The following SEL1L2 variants were observed in gnomAD, a reference collection of about 807,000 sequenced individuals.
The protein encoded by SEL1L2 is SEL1L2 adaptor subunit of SYVN1 ubiquitin ligase.
SEL1L2 carries 89 observed loss-of-function variants against 98.8 expected under a neutral mutation model. That is an observed-to-expected ratio of 0.90 (90% CI 0.76 to 1.07). The LOEUF is 1.07. Among genes scored for constraint, SEL1L2 ranks in the 50% least tolerant of loss-of-function variants. The probability of loss-of-function intolerance (pLI) is 0.00; values close to 1 mark genes in which losing one functional copy is unlikely to be tolerated. For missense variants in SEL1L2, 788 were observed against 812.0 expected (o/e 0.97, Z 0.36); for synonymous variants, 262 against 278.5 (o/e 0.94, Z 0.59).
At chr20:13,919,964 C>T (rs1030929568) in intron 3 of SEL1L2, among the ~76,000 whole-genome samples, 31 of 149,082 alleles carry the variant, frequency 2.1e-4, no homozygotes, top group African/African-American at 6.7e-4. Flanking sequence ...TGAGGTGGCT[C>T]ACTCCTGTAA....
At chr20:13,984,157 A>G (rs914619154) in intron 1 of SEL1L2, among the ~76,000 whole-genome samples, 63 of 152,006 alleles carry the variant, frequency 4.1e-4, no homozygotes, top group African/African-American at 1.5e-3. Flanking sequence ...GATTACAGGC[A>G]CATGCCACCA....
In SEL1L2 at chr20:13,865,200, C is replaced by T. The variant is rs1160622614; in HGVS notation, c.1612G>A (p.Ala538Thr). 1.9e-6 allele frequency: 3 copies of T among 1,613,606 alleles called. No individual in the cohort carries two copies. The highest frequency in any genetic ancestry group is 1.7e-5 in the Admixed American group (1 of 60,002). The change falls in exon 17 of 20, where the codon GCG becomes ACG. Residue 538 changes from alanine (A) to threonine (T), a missense_variant. By Grantham distance (58) the Ala-to-Thr change is moderately conservative. Coordinates refer to ENST00000284951, the MANE Select transcript of SEL1L2 (RefSeq NM_025229.2). Reference sequence around the variant, plus strand: ...GCAGCTCGATTCCATAGGAGAAGCGCCATTGGATACATCTTCTCTTTTTCA... The same window carrying T: ...GCAGCTCGATTCCATAGGAGAAGCGTCATTGGATACATCTTCTCTTTTTCA... ...ILEKEKMYPMALLLWNRAAIQ... is the reference protein window; with the variant it reads ...ILEKEKMYPMTLLLWNRAAIQ...
intron 10 of SEL1L2, among the ~76,000 whole-genome samples, chr20:13,882,812 CTTTTTT>C (rs759286946): frequency 9.3e-5 from 10 of 107,246 alleles, no homozygotes; most frequent in East Asian, 6.1e-4. Context: ...GTCAATTTGT[CTTTTTT>C]TTTTTTTTTT....
intron 2 of SEL1L2, among the ~76,000 whole-genome samples, chr20:13,935,615 G>C (rs977858213): frequency 1.4e-4 from 22 of 152,194 alleles, no homozygotes; most frequent in African/African-American, 4.1e-4. Flanking sequence ...AGGGTAACTG[G>C]AGCAGAGTGA....
At chr20:13,942,700 C>A (rs546436693) in intron 2 of SEL1L2, among the ~76,000 whole-genome samples, 1 of 152,122 alleles carries the variant, frequency 6.6e-6, no homozygotes, top group East Asian at 1.9e-4. Flanking sequence ...CACATAGAAG[C>A]AGATGTTTTA....
intron 1 of SEL1L2, among the ~76,000 whole-genome samples, chr20:13,964,170 G>A (rs1047086603): frequency 2.6e-5 from 4 of 151,982 alleles, no homozygotes; most frequent in East Asian, 3.9e-4. Flanking sequence ...CACTGCACCC[G>A]GCCTGTATGT....
chr20:13,990,435 G>GAA (rs747106301), intron 1 of SEL1L2, 42 bp downstream of exon 1: 11 of 1,404,272 alleles, frequency 7.8e-6, no homozygotes, highest in Non-Finnish European at 1.1e-5. Flanking sequence ...TGAGCAAAGA[G>GAA]AAGAGACCCT....
In SEL1L2 at chr20:13,912,080, T is replaced by C. The variant is rs115223248; in HGVS notation, c.549+1702A>G. Among the ~76,000 whole-genome samples the C allele has an allele frequency of 6.7e-3, 1,023 of 152,258 alleles. 11 individuals carry two copies. Among genetic ancestry groups the C allele is most frequent in the African/African-American group, 0.023 (967 of 41,548 alleles). ...GGCAGTGTGTTAAATGTTAGAGATA[T>C]AGCAGTGAACGAGAAGGATGCGGTA... On this transcript the variant is annotated intron_variant, in intron 5 of 19. Coordinates refer to ENST00000284951, the MANE Select transcript of SEL1L2 (RefSeq NM_025229.2).
At chr20:13,899,492 A>G (rs1480211684) in intron 5 of SEL1L2, among the ~76,000 whole-genome samples, 1 of 152,190 alleles carries the variant, frequency 6.6e-6, no homozygotes, top group Admixed American at 6.5e-5. Flanking sequence ...GGTGCCAGGC[A>G]CTGTCCTCTG....
intron 10 of SEL1L2, 50 bp from the exon 11 acceptor site, chr20:13,877,638 A>G (rs1276169209): frequency 6.8e-7 from 1 of 1,476,926 alleles, no homozygotes; most frequent in Admixed American, 1.7e-5. Flanking sequence ...TAAATCCTTC[A>G]AAATAGCTTT....
At chr20:13,926,317 A>AC (rs2048902676) in intron 3 of SEL1L2, among the ~76,000 whole-genome samples, 1 of 99,922 alleles carries the variant, frequency 1.0e-5, no homozygotes, top group Admixed American at 1.2e-4. Context: ...TCCGTTTCAA[A>AC]CAAAAAAAAA....
chr20:13,956,175 T>C (rs2050530171), intron 1 of SEL1L2, 44 bp from the exon 2 acceptor site: 2 of 1,017,824 alleles, frequency 2.0e-6, no homozygotes, highest in Admixed American at 2.8e-5. Flanking sequence ...AAGCATTTTC[T>C]TTTTAAAATT....
chr20:13,890,593 A>G (rs578092836), intron 5 of SEL1L2, among the ~76,000 whole-genome samples: 40 of 152,272 alleles, frequency 2.6e-4, no homozygotes, highest in African/African-American at 5.5e-4. Context: ...TAGCAAAATA[A>G]TAACAACAAC....
chr20:13,913,750 T>C, intron 5 of SEL1L2, 32 bp downstream of exon 5: 1 of 1,484,198 alleles, frequency 6.7e-7, no homozygotes, highest in Non-Finnish European at 8.9e-7. Flanking sequence ...AGGATGGAGC[T>C]ATTTAAGGTT....
Position 13,969,626 on chromosome 20 carries a change from A to G in SEL1L2, c.59-13495T>C, listed in dbSNP as rs1283836417. ...TACACCCTGCTCTTATTGAAGTGGT[A>G]GTATCCTCCTACCCCATATGTACAT... is the stretch of plus-strand genomic sequence containing the variant. On this transcript the variant is annotated intron_variant, in intron 1 of 19. Transcript: ENST00000284951. 2.0e-5 allele frequency among the ~76,000 whole-genome samples: 3 copies of G among 152,302 alleles called. No individual in the cohort carries two copies. In the East Asian group the frequency reaches 5.8e-4, roughly 29 times the overall value.
At chr20:13,991,886 A>T (rs1272643848), upstream of SEL1L2, among the ~76,000 whole-genome samples, 1 of 152,098 alleles carries the variant, frequency 6.6e-6, no homozygotes, top group Non-Finnish European at 1.5e-5. Flanking sequence ...TCAGGTACTC[A>T]GGAGGCTGAG....
chr20:13,974,867 C>T (rs575563512), intron 1 of SEL1L2, among the ~76,000 whole-genome samples: 37 of 152,166 alleles, frequency 2.4e-4, no homozygotes, highest in African/African-American at 7.5e-4. Context: ...TCAATTCCAC[C>T]GATTATTTTG....
chr20:13,854,467 T>A (rs1312377092), intron 18 of SEL1L2, among the ~76,000 whole-genome samples: 2 of 152,246 alleles, frequency 1.3e-5, no homozygotes, highest in African/African-American at 4.8e-5. Flanking sequence ...CTGGTAGGTA[T>A]GTTAAAGAGG....
rs148733697 is a variant in SEL1L2 at position 13,887,362 on chromosome 20, T to A, written c.745+407A>T. On this transcript the variant is annotated intron_variant, in intron 8 of 19. Coordinates refer to ENST00000284951, the MANE Select transcript of SEL1L2 (RefSeq NM_025229.2). ...CTAATGGTTGCTTGAATTGTTCTCA[T>A]ATGTGGTGACAGATACCTCCAATGT... Among the ~76,000 whole-genome samples the A allele has an allele frequency of 4.0e-3, 602 of 152,346 alleles. 3 individuals carry two copies. Among genetic ancestry groups the A allele is most frequent in the Non-Finnish European group, 5.9e-3 (398 of 68,014 alleles).
Sources: gnomAD v4.1 joint callset for allele counts (sites outside exome capture counted in the v4.1 genomes callset) on GRCh38, gnomAD v4.1.1 for gene constraint, MANE v1.5 for transcripts, NCBI Gene and HGNC (gene_info 2026-07-23, HGNC 2026-07-21) for gene names.